The following ZNF75A variants were observed in gnomAD, a reference collection of about 807,000 sequenced individuals.
ZNF75A encodes zinc finger protein 75A.
Under a neutral mutation model 46.3 loss-of-function variants are expected in ZNF75A, and 36 were observed. The ratio of observed to expected loss-of-function variants is 0.78; its 90% CI spans 0.60 to 1.03. The LOEUF (loss-of-function observed/expected upper bound fraction) is 1.03. ZNF75A is among the 50% of genes least tolerant of loss of function. The probability of loss-of-function intolerance (pLI) is 0.00; values close to 1 mark genes in which losing one functional copy is unlikely to be tolerated. For synonymous variants in ZNF75A, 234 were observed against 189.9 expected (o/e 1.23, Z -1.91); for missense variants, 595 against 551.3 (o/e 1.08, Z -0.79).
chr16:3,318,379 G>T lies in ZNF75A; in HGVS notation c.*510G>T. ...TCCTGTTATCACAGTTTTTTACTGT[G>T]ATGAAATCTTGTTAACCACCACTAG... On this transcript the variant is annotated 3_prime_UTR_variant, in exon 7 of 7. Transcript: ENST00000669516. The T allele has an allele frequency of 1.0e-6, 1 of 987,086 alleles. No homozygotes were observed. The highest frequency in any genetic ancestry group is 1.2e-6 in the Non-Finnish European group (1 of 831,148). 61.1% of individuals were successfully genotyped at this position (987,086 alleles called of 1,614,324 possible).
At chr16:3,305,794 A>G (rs1960157787) in intron 1 of ZNF75A, 151 bp downstream of exon 1, 1 of 152,174 alleles carries the variant, frequency 6.6e-6, no homozygotes, top group African/African-American at 2.4e-5. Context: ...GTCGGGCACG[A>G]GAAACCATTC....
chr16:3,317,153 C>T (rs762594691), intron 6 of ZNF75A, 37 bp from the exon 7 acceptor site: 12 of 1,556,074 alleles, frequency 7.7e-6, no homozygotes, highest in South Asian at 1.2e-5. Context: ...TTTGCTTGTT[C>T]TGGGATACAG....
rs1961378050 is a variant in ZNF75A, at chr16:3,318,276, C to T, written c.*407C>T. Reference sequence around the variant, plus strand: ...CCAGGAACCAAATTGGATTTTCTTTCTTTTGTCATTGGACACGGTTTGCAA... The same window carrying T: ...CCAGGAACCAAATTGGATTTTCTTTTTTTTGTCATTGGACACGGTTTGCAA... On this transcript the variant is annotated 3_prime_UTR_variant, in exon 7 of 7. Coordinates refer to ENST00000669516, the MANE Select transcript of ZNF75A (RefSeq NM_001302109.2). 1.0e-6 allele frequency: 1 copy of T among 989,898 alleles called. No homozygotes were observed. Among genetic ancestry groups the T allele is most frequent in the South Asian group, 4.7e-5 (1 of 21,416 alleles). The allele number at this position is 989,898 out of a possible 1,614,324, so 61.3% of individuals were successfully genotyped here.
intron 5 of ZNF75A, 51 bp downstream of exon 5, chr16:3,313,226 A>G: frequency 6.3e-7 from 1 of 1,586,412 alleles, no homozygotes; most frequent in Non-Finnish European, 8.6e-7. Context: ...TTCTTGGCTT[A>G]CTGAGAAGGA....
downstream of ZNF75A, chr16:3,322,812 C>A: frequency 1.5e-6 from 1 of 666,726 alleles, no homozygotes; most frequent in Non-Finnish European, 1.9e-6. Flanking sequence ...ACCCAGGAAT[C>A]TCCAGATTCA....
intron 3 of ZNF75A, 82 bp from the exon 4 acceptor site, chr16:3,312,595 A>C: frequency 1.9e-6 from 1 of 535,394 alleles, no homozygotes; most frequent in Non-Finnish European, 2.4e-6. Flanking sequence ...CTGTACTTAA[A>C]AAGTCAGGAT....
At chr16:3,312,825 A>T (rs953671638) in intron 4 of ZNF75A, 57 bp downstream of exon 4, 1 of 1,191,182 alleles carries the variant, frequency 8.4e-7, no homozygotes, top group Admixed American at 3.8e-5. Context: ...TATGATTAAT[A>T]CTGTCCAGGA....
downstream of ZNF75A, among the ~76,000 whole-genome samples, chr16:3,321,029 C>T (rs975967993): frequency 2.0e-5 from 3 of 152,086 alleles, no homozygotes; most frequent in African/African-American, 7.2e-5. Context: ...CTCATAACAA[C>T]CTTGGAATTT....
chr16:3,310,170 C>T (rs1018451233), intron 2 of ZNF75A, among the ~76,000 whole-genome samples: 1 of 151,670 alleles, frequency 6.6e-6, no homozygotes, highest in African/African-American at 2.4e-5. Context: ...CTGAGGCGGG[C>T]GGATCACAAG....
chr16:3,314,780 T>G, intron 5 of ZNF75A: 1 of 985,430 alleles, frequency 1.0e-6, no homozygotes, highest in African/African-American at 1.7e-5. Flanking sequence ...GCCATATATT[T>G]TTCTCAGGAA....
chr16:3,315,805 A>G (rs1397458393), intron 5 of ZNF75A, among the ~76,000 whole-genome samples: 1 of 152,174 alleles, frequency 6.6e-6, no homozygotes, highest in Non-Finnish European at 1.5e-5. Flanking sequence ...TCCTAACCAT[A>G]TTTGGAGAAA....
In ZNF75A at chr16:3,312,747, G is replaced by A; in HGVS notation, c.675G>A (p.Glu225=). 9.4e-7 allele frequency: 1 copy of A among 1,065,984 alleles called. No individual in the cohort carries two copies. The allele number at this position is 1,065,984 out of a possible 1,614,324, so 66.0% of individuals were successfully genotyped here. A position where few individuals can be genotyped will look rare whatever the true frequency, so the allele number is the denominator to read the frequency against. ...TNTKDWTVTP[E]HVLPESQSLL... ...CCAAAGACTGGACAGTGACACCTGA[G>A]CACGTCTTGCCTGAGTCCCAGGTGA... The change falls in exon 4 of 7, where the codon GAG becomes GAA. Residue 225 remains glutamate, a synonymous_variant. Transcript: ENST00000669516.
intron 5 of ZNF75A, chr16:3,315,220 C>G: frequency 2.6e-6 from 1 of 388,204 alleles, no homozygotes; most frequent in Non-Finnish European, 3.5e-6. Flanking sequence ...GAGATGGAGC[C>G]TCGCTCTGTC....
chr16:3,317,039 A>G lies in ZNF75A; in HGVS notation c.934+17A>G, dbSNP rs1308748344. The G allele has an allele frequency of 5.0e-6, 8 of 1,601,990 alleles. 1 individual carries two copies. Among genetic ancestry groups the G allele is most frequent in the Middle Eastern group, 1.7e-4 (1 of 6,032 alleles). ...CTCCTACAGGTAAATATACCATGGGAAGTGGAGAAATGTGCCTTGATGTGA... is the reference window on the plus strand; with the variant it reads ...CTCCTACAGGTAAATATACCATGGGGAGTGGAGAAATGTGCCTTGATGTGA... On this transcript the variant is annotated intron_variant, in intron 6 of 6. Coordinates refer to ENST00000669516, the MANE Select transcript of ZNF75A (RefSeq NM_001302109.2).
chr16:3,307,504 T>C (rs1203485038), intron 1 of ZNF75A: 1 of 152,152 alleles, frequency 6.6e-6, no homozygotes, highest in Admixed American at 6.5e-5. Flanking sequence ...ATGTTGTTTT[T>C]TAAGGTGCCT....
intron 5 of ZNF75A, among the ~76,000 whole-genome samples, chr16:3,315,291 A>G (rs1961128599): frequency 6.8e-6 from 1 of 147,854 alleles, no homozygotes; most frequent in African/African-American, 2.5e-5. Flanking sequence ...TCCCGGGTTC[A>G]TGCCATTCTC....
chr16:3,308,776 T>G lies in ZNF75A; in HGVS notation c.348T>G (p.Ile116Met), dbSNP rs143862384. 5 of 986,712 alleles carry G rather than the reference T, an allele frequency of 5.1e-6. No individual in the cohort carries two copies. The East Asian group carries it at 4.5e-4, about 89-fold the overall frequency. The allele number at this position is 986,712 out of a possible 1,614,324, so 61.1% of individuals were successfully genotyped here. The change falls in exon 2 of 7, where the codon ATT becomes ATG. Residue 116 changes from isoleucine to methionine, a missense_variant. Coordinates refer to ENST00000669516, the MANE Select transcript of ZNF75A (RefSeq NM_001302109.2). ...TGCAGAAGCACCATCCACAGAGCAT[T>G]GAGGAGGCTGTGGCTCTGGTAGAAC... ...TQMQKHHPQS[I>M]EEAVALVEHL...
downstream of ZNF75A, chr16:3,318,962 G>A: frequency 3.7e-6 from 2 of 540,266 alleles, no homozygotes; most frequent in Non-Finnish European, 4.7e-6. Flanking sequence ...GCAGCCTCAG[G>A]TGATAAATTT....
In ZNF75A at chr16:3,317,572, T is replaced by C; in HGVS notation, c.1317T>C (p.Phe439=). The change falls in exon 7 of 7, where the codon TTT becomes TTC. Residue 439 remains phenylalanine (F), a synonymous_variant. Transcript: ENST00000669516. ...AATGTCAACAGTGTGATAAGAGGTTTAGATGGAGTTCAGATCTTAATAAGC... is the reference window on the plus strand; with the variant it reads ...AATGTCAACAGTGTGATAAGAGGTTCAGATGGAGTTCAGATCTTAATAAGC... The part of the protein sequence containing the change: ...PYKCQQCDKR[F]RWSSDLNKHL... 6.2e-7 allele frequency: 1 copy of C among 1,614,186 alleles called. No homozygotes were observed. The highest frequency in any genetic ancestry group is 8.5e-7 in the Non-Finnish European group (1 of 1,180,016).
Sources: gnomAD v4.1 joint callset for allele counts (sites outside exome capture counted in the v4.1 genomes callset) on GRCh38, gnomAD v4.1.1 for gene constraint, MANE v1.5 for transcripts, NCBI Gene and HGNC (gene_info 2026-07-23, HGNC 2026-07-21) for gene names.